The following CDK5RAP2 variants were observed in gnomAD, a reference collection of about 807,000 sequenced individuals.
CDK5RAP2 encodes CDK5 regulatory subunit associated protein 2.
A neutral mutation model predicts 232.9 loss-of-function variants in CDK5RAP2; 147 were observed. That is an observed-to-expected ratio of 0.63 (90% CI 0.55 to 0.72). The LOEUF is 0.72. CDK5RAP2 is among the 30% of genes least tolerant of loss of function. CDK5RAP2 has a pLI of 0.00. For missense variants in CDK5RAP2, 2,195 were observed against 2,231.5 expected (o/e 0.98, Z 0.33); for synonymous variants, 833 against 833.7 (o/e 1.00, Z 0.01).
intron 21 of CDK5RAP2, among the ~76,000 whole-genome samples, chr9:120,449,912 G>A (rs577545169): frequency 1.1e-4 from 16 of 152,298 alleles, no homozygotes; most frequent in African/African-American, 3.6e-4. Context: ...CACACTGCTG[G>A]TGAGAATGTA....
intron 20 of CDK5RAP2, among the ~76,000 whole-genome samples, chr9:120,455,413 C>T (rs1023961268): frequency 9.9e-5 from 15 of 150,908 alleles, no homozygotes; most frequent in Admixed American, 5.9e-4. Context: ...AAAGGCCCTG[C>T]GATGGACTGG....
chr9:120,459,961 T>TA (rs1286290805), intron 19 of CDK5RAP2, among the ~76,000 whole-genome samples: 1 of 152,138 alleles, frequency 6.6e-6, no homozygotes, highest in African/African-American at 2.4e-5. Flanking sequence ...TTTTATGAAT[T>TA]AGAGGGTTGG....
chr9:120,578,989 C>T (rs2043143088), intron 1 of CDK5RAP2, among the ~76,000 whole-genome samples: 1 of 152,160 alleles, frequency 6.6e-6, no homozygotes, highest in Admixed American at 6.5e-5. Context: ...GCAGGTTCTC[C>T]GTCAGGGCTC....
At chr9:120,545,175 GTC>G (rs562202714) in intron 5 of CDK5RAP2, among the ~76,000 whole-genome samples, 1 of 152,050 alleles carries the variant, frequency 6.6e-6, no homozygotes, top group Non-Finnish European at 1.5e-5. Context: ...CCCATCCTCT[GTC>G]TCCCTGCCTC....
At chr9:120,412,261 A>C (rs182544591) in intron 28 of CDK5RAP2, among the ~76,000 whole-genome samples, 78 of 152,340 alleles carry the variant, frequency 5.1e-4, no homozygotes, top group African/African-American at 1.8e-3. Context: ...CACCCTCAGG[A>C]AAGTGCCTAC....
rs576503571 is a variant in CDK5RAP2 at position 120,552,170 on chromosome 9, A to G, written c.196-1268T>C. Among the ~76,000 whole-genome samples the G allele has an allele frequency of 3.6e-4, 55 of 152,136 alleles. 1 individual carries two copies. The highest frequency in any genetic ancestry group is 1.2e-3 in the African/African-American group (51 of 41,494). ...ACCATCTCACACCAGTTACAATGGC[A>G]ATCATTAAAAAGTCAGGAAACAACA... On this transcript the variant is annotated intron_variant, in intron 3 of 37. Coordinates refer to ENST00000349780, the MANE Select transcript of CDK5RAP2 (RefSeq NM_018249.6).
chr9:120,558,474 T>A (rs2042329278), intron 3 of CDK5RAP2, among the ~76,000 whole-genome samples: 1 of 149,120 alleles, frequency 6.7e-6, no homozygotes, highest in Non-Finnish European at 1.5e-5. Context: ...CATCACTCCC[T>A]GGTTAAACCC....
chr9:120,564,853 T>G (rs145287833), intron 3 of CDK5RAP2, among the ~76,000 whole-genome samples: 4 of 152,300 alleles, frequency 2.6e-5, no homozygotes, highest in Admixed American at 2.0e-4. Flanking sequence ...GAGAGAGAGA[T>G]AGCAGTGTCC....
At position 120,402,927 on chromosome 9, in the gene CDK5RAP2, C is replaced by T; in HGVS notation, c.5186G>A (p.Gly1729Asp). Residue 1729 changes from glycine to aspartate, a missense_variant, in exon 34 of 38, where the codon GGC becomes GAC. Physicochemically the swap from Gly to Asp is moderately conservative, Grantham distance 94 (BLOSUM62 -1). Coordinates refer to ENST00000349780, the MANE Select transcript of CDK5RAP2 (RefSeq NM_018249.6). ...WASKNGRHVL[G>D]LIEDYEALLK... ...CAGGGCCTCATAGTCCTCAATCAGG[C>T]CCAGGACATGGCGGCCATTCTTGCT... 6.2e-7 allele frequency: 1 copy of T among 1,614,166 alleles called. No individual in the cohort carries two copies. Among genetic ancestry groups the T allele is most frequent in the African/African-American group, 1.3e-5 (1 of 75,036 alleles).
chr9:120,394,730 C>A (rs1448618774), intron 35 of CDK5RAP2, 92 bp from the exon 36 acceptor site: 4 of 1,056,490 alleles, frequency 3.8e-6, no homozygotes, highest in East Asian at 4.9e-5. Context: ...AGATGATGCT[C>A]AACCTCACTA....
intron 12 of CDK5RAP2, among the ~76,000 whole-genome samples, chr9:120,510,065 T>C (rs759735828): frequency 3.3e-5 from 5 of 152,184 alleles, no homozygotes; most frequent in Non-Finnish European, 5.9e-5. Context: ...AACCAGCCTG[T>C]AGAGACACTG....
At chr9:120,450,195 A>G (rs934917379) in intron 21 of CDK5RAP2, among the ~76,000 whole-genome samples, 1 of 152,264 alleles carries the variant, frequency 6.6e-6, no homozygotes, top group African/African-American at 2.4e-5. Context: ...AAGTACTGAT[A>G]CATGCTACAA....
intron 14 of CDK5RAP2, among the ~76,000 whole-genome samples, chr9:120,480,120 G>A (rs1340591943): frequency 6.6e-6 from 1 of 152,186 alleles, no homozygotes; most frequent in Non-Finnish European, 1.5e-5. Context: ...ATGATGCCTA[G>A]CACCAACTAA....
At chr9:120,508,211 G>A (rs2131764104) in intron 12 of CDK5RAP2, among the ~76,000 whole-genome samples, 1 of 152,122 alleles carries the variant, frequency 6.6e-6, no homozygotes, top group Middle Eastern at 3.4e-3. Flanking sequence ...ATCTTAATGA[G>A]GAAGAGATAC....
At chr9:120,576,531 G>A (rs1453339103) in intron 1 of CDK5RAP2, among the ~76,000 whole-genome samples, 4 of 152,170 alleles carry the variant, frequency 2.6e-5, no homozygotes, top group East Asian at 1.9e-4. Flanking sequence ...GTGAAACCCC[G>A]TCTCTACTAA....
intron 16 of CDK5RAP2, 67 bp from the exon 17 acceptor site, chr9:120,470,287 C>G: frequency 1.3e-6 from 1 of 755,466 alleles, no homozygotes; most frequent in Non-Finnish European, 2.2e-6. Context: ...AACAGATCCT[C>G]CCAAGACTGA....
intron 18 of CDK5RAP2, 121 bp from the exon 19 acceptor site, chr9:120,460,788 A>G: frequency 6.6e-7 from 1 of 1,504,430 alleles, no homozygotes; most frequent in Non-Finnish European, 9.0e-7. Context: ...AACAAAAAAG[A>G]GGAAGAAACA....
intron 21 of CDK5RAP2, among the ~76,000 whole-genome samples, chr9:120,450,155 T>C (rs1028714791): frequency 2.0e-5 from 3 of 152,230 alleles, no homozygotes; most frequent in African/African-American, 7.2e-5. Flanking sequence ...GGATATACTA[T>C]GGAATACTGT....
chr9:120,448,095 A>C lies in CDK5RAP2; in HGVS notation c.2825T>G (p.Ile942Arg), dbSNP rs1240915477. ...ATTTCCTAATGACCGGGATGGTTTT[A>C]TTAGGATTGGCAAGCGGGACTTCTT... Reference protein sequence around the residue: ...EAKKSRLPILIKPSRSLGNMY... With the variant: ...EAKKSRLPILRKPSRSLGNMY... Residue 942 changes from isoleucine (I) to arginine (R), a missense_variant, in exon 22 of 38, where the codon ATA becomes AGA. By Grantham distance (97) the Ile-to-Arg change is moderately conservative. Transcript: ENST00000349780. The C allele has an allele frequency of 6.2e-7, 1 of 1,614,204 alleles. No individual in the cohort carries two copies. The highest frequency in any genetic ancestry group is 2.2e-5 in the East Asian group (1 of 44,882).
Sources: allele counts gnomAD v4.1 joint callset (sites outside exome capture counted in the v4.1 genomes callset), GRCh38; gene constraint gnomAD v4.1.1; transcripts MANE v1.5; gene names NCBI Gene and HGNC (gene_info 2026-07-23, HGNC 2026-07-21).